LAMA2: variants seen among roughly 807,000 people sequenced by gnomAD.
LAMA2 encodes laminin subunit alpha-2.
A neutral mutation model predicts 364.8 loss-of-function variants in LAMA2; 269 were observed. The observed-to-expected ratio is 0.74, with a 90% CI of 0.67 to 0.82. The LOEUF (loss-of-function observed/expected upper bound fraction) is 0.82, where lower values mean the gene tolerates loss of function less well. Among genes scored for constraint, LAMA2 ranks in the 40% least tolerant of loss-of-function variants. LAMA2 has a pLI of 0.00. For missense variants in LAMA2, 3,807 were observed against 3,873.2 expected, an observed-to-expected ratio of 0.98 and a Z score of 0.45; for synonymous variants, 1,379 against 1,370.6, an observed-to-expected ratio of 1.01 and a Z score of -0.14.
rs528014509 is a variant in LAMA2 at position 128,927,673 on chromosome 6, G to C, written c.112+44316G>C. Among the ~76,000 whole-genome samples, 382 of 151,772 alleles carry C rather than the reference G, an allele frequency of 2.5e-3. 1 individual carries two copies. The highest frequency in any genetic ancestry group is 8.6e-3 in the African/African-American group (354 of 41,376). On this transcript the variant is annotated intron_variant, in intron 1 of 64. Coordinates refer to ENST00000421865, the MANE Select transcript of LAMA2 (RefSeq NM_000426.4). ...GCTGAGGGTCCCATCAGTCTTCCAG[G>C]TGTAAACCATTAGATTCCTACTAGA...
chr6:129,294,577 C>T (rs1468942179), intron 20 of LAMA2, among the ~76,000 whole-genome samples: 1 of 152,168 alleles, frequency 6.6e-6, no homozygotes, highest in East Asian at 1.9e-4. Flanking sequence ...AAAGGCCCCA[C>T]CTCCTGTCTA....
At chr6:129,274,024 A>G (rs1418088243) in intron 17 of LAMA2, among the ~76,000 whole-genome samples, 2 of 151,976 alleles carry the variant, frequency 1.3e-5, no homozygotes, top group Non-Finnish European at 2.9e-5. Context: ...TTTAAATTCC[A>G]GCTTTCAATG....
intron 32 of LAMA2, among the ~76,000 whole-genome samples, chr6:129,362,390 G>A (rs1304185152): frequency 3.3e-5 from 5 of 151,770 alleles, no homozygotes; most frequent in Admixed American, 1.3e-4. Flanking sequence ...GTTTTCTTCC[G>A]GCCAACCCCA....
chr6:129,143,773 A>G (rs951700694), intron 4 of LAMA2, 128 bp from the exon 5 acceptor site: 5 of 681,936 alleles, frequency 7.3e-6, no homozygotes, highest in Non-Finnish European at 1.3e-5. Flanking sequence ...GTGCATAGGC[A>G]TGTACCTGAA....
chr6:129,305,374 G>A (rs1395701128), intron 22 of LAMA2, among the ~76,000 whole-genome samples: 1 of 150,490 alleles, frequency 6.6e-6, no homozygotes, highest in Non-Finnish European at 1.5e-5. Flanking sequence ...GCCCAGGCTA[G>A]AGTGCAGTGG....
chr6:129,435,436 T>TA (rs1419973925), intron 41 of LAMA2, among the ~76,000 whole-genome samples: 2 of 152,086 alleles, frequency 1.3e-5, no homozygotes, highest in African/African-American at 2.4e-5. Flanking sequence ...GTATAAACAG[T>TA]AAAAATAACA....
chr6:129,172,948 G>A (rs1461840843), intron 9 of LAMA2, among the ~76,000 whole-genome samples: 4 of 152,316 alleles, frequency 2.6e-5, no homozygotes, highest in African/African-American at 4.8e-5. Context: ...GGTGCCGTCC[G>A]TCACCCCTTT....
intron 12 of LAMA2, among the ~76,000 whole-genome samples, chr6:129,211,749 G>A (rs746297064): frequency 4.6e-5 from 7 of 152,104 alleles, no homozygotes; most frequent in Non-Finnish European, 1.0e-4. Context: ...CCCAGCTCTG[G>A]CTGAGTTAGG....
At chr6:129,376,728 T>A (rs1778395555) in intron 34 of LAMA2, among the ~76,000 whole-genome samples, 1 of 152,196 alleles carries the variant, frequency 6.6e-6, no homozygotes, top group East Asian at 1.9e-4. Context: ...AATTTACCTT[T>A]CAAATCTCAG....
At chr6:129,510,504 T>G (rs1457985810) in intron 62 of LAMA2, among the ~76,000 whole-genome samples, 1 of 152,142 alleles carries the variant, frequency 6.6e-6, no homozygotes, top group Non-Finnish European at 1.5e-5. Context: ...TAGAAATACG[T>G]GTATGTTCAT....
chr6:129,093,368 C>T (rs940546957), intron 3 of LAMA2, among the ~76,000 whole-genome samples: 7 of 151,680 alleles, frequency 4.6e-5, no homozygotes, highest in Middle Eastern at 3.4e-3. Context: ...ACTTAACTAA[C>T]ATGGGTATAG....
chr6:128,889,610 T>G (rs1027620522), intron 1 of LAMA2, among the ~76,000 whole-genome samples: 21 of 152,150 alleles, frequency 1.4e-4, no homozygotes, highest in African/African-American at 4.8e-4. Context: ...TCCCTTAGTA[T>G]TCTTCCTGTG....
In LAMA2 at chr6:129,363,692, G is replaced by T. The variant is rs753534280; in HGVS notation, c.4718-2527G>T. On this transcript the variant is annotated intron_variant, in intron 32 of 64. Transcript: ENST00000421865. ...AGTCAGAGACTAAGAGAAACCAGGT[G>T]ATCAAATCACCTCCTGATTCAGAAA... is the stretch of plus-strand genomic sequence containing the variant. Among the ~76,000 whole-genome samples, 40 of 152,294 alleles carry T rather than the reference G, an allele frequency of 2.6e-4. 1 individual carries two copies. The highest frequency in any genetic ancestry group is 5.0e-4 in the Non-Finnish European group (34 of 68,026).
At position 129,294,884 on chromosome 6, in the gene LAMA2, AT is replaced by A. The variant is rs978240309; in HGVS notation, c.2857-2793del. 2.2e-4 allele frequency among the ~76,000 whole-genome samples: 34 copies of A among 152,164 alleles called. 1 individual carries two copies. Among genetic ancestry groups the A allele is most frequent in the South Asian group, 6.2e-4 (3 of 4,814 alleles). On this transcript the variant is annotated intron_variant, in intron 20 of 64. Transcript: ENST00000421865. ...GTTAAATGAAGAAATGTTTAAAATAATTTTTTTTCAAAAACAAATGCATACA... is the reference window on the plus strand; with the variant it reads ...GTTAAATGAAGAAATGTTTAAAATAATTTTTTTCAAAAACAAATGCATACA...
chr6:129,411,855 A>G (rs1275198658), intron 40 of LAMA2, among the ~76,000 whole-genome samples: 3 of 152,218 alleles, frequency 2.0e-5, no homozygotes, highest in African/African-American at 4.8e-5. Context: ...AATCTAAGTA[A>G]GCATTATGGA....
At chr6:129,363,836 C>T (rs1777609057) in intron 32 of LAMA2, among the ~76,000 whole-genome samples, 1 of 152,188 alleles carries the variant, frequency 6.6e-6, no homozygotes, top group Non-Finnish European at 1.5e-5. Flanking sequence ...GTCAATTTGG[C>T]ACTTAACTGA....
chr6:129,251,560 T>C (rs1363900849), intron 13 of LAMA2, among the ~76,000 whole-genome samples: 1 of 152,202 alleles, frequency 6.6e-6, no homozygotes, highest in Non-Finnish European at 1.5e-5. Context: ...CTAAGGCTAA[T>C]ATTGAAATTG....
chr6:128,921,713 T>TTTTTTTTTTTTTTTTTTTTTTTTTTAA (rs1328311348), intron 1 of LAMA2, among the ~76,000 whole-genome samples: 1 of 144,834 alleles, frequency 6.9e-6, no homozygotes, highest in African/African-American at 2.6e-5. Context: ...TTTTTTTTTT[T>TTTTTTTTTTTTTTTTTTTTTTTTTTAA]ATTATTATTA....
intron 1 of LAMA2, among the ~76,000 whole-genome samples, chr6:128,959,673 T>A (rs1229559714): frequency 6.6e-6 from 1 of 152,186 alleles, no homozygotes; most frequent in Non-Finnish European, 1.5e-5. Flanking sequence ...CCTCTTGTCC[T>A]TTTATTTATT....
Sources: gnomAD v4.1 joint callset for allele counts (sites outside exome capture counted in the v4.1 genomes callset) on GRCh38, gnomAD v4.1.1 for gene constraint, MANE v1.5 for transcripts, NCBI Gene and HGNC (gene_info 2026-07-23, HGNC 2026-07-21) for gene names.